The following PTPRD variants were observed in gnomAD, a reference collection of about 807,000 sequenced individuals.
The protein encoded by PTPRD is protein tyrosine phosphatase receptor type D.
PTPRD carries 34 observed loss-of-function variants against 214.5 expected under a neutral mutation model. That is an observed-to-expected ratio of 0.16 (90% CI 0.12 to 0.21). The LOEUF (loss-of-function observed/expected upper bound fraction) is 0.21, where lower values mean the gene tolerates loss of function less well. Among genes scored for constraint, PTPRD ranks in the 10% least tolerant of loss-of-function variants. The pLI is 1.00. For missense variants in PTPRD, 2,545 were observed against 2,398.7 expected (o/e 1.06, Z -1.27); for synonymous variants, 1,128 against 845.7 (o/e 1.33, Z -5.79).
chr9:9,318,691 C>T (rs7026513), intron 9 of PTPRD, among the ~76,000 whole-genome samples: 18,187 of 152,068 alleles, frequency 0.12, 1,338 homozygotes, highest in East Asian at 0.29. Flanking sequence ...CTAATTATAG[C>T]CTATGTTTTT....
At chr9:8,318,666 A>T (rs764212743) in intron 45 of PTPRD, among the ~76,000 whole-genome samples, 2 of 152,054 alleles carry the variant, frequency 1.3e-5, no homozygotes, top group Non-Finnish European at 2.9e-5. Flanking sequence ...ATCAAAAAAT[A>T]CCTGTAAATT....
chr9:10,202,842 G>T (rs1005583142), intron 3 of PTPRD, among the ~76,000 whole-genome samples: 1 of 151,682 alleles, frequency 6.6e-6, no homozygotes, highest in Non-Finnish European at 1.5e-5. Context: ...CCAATGTGAG[G>T]ATACAAGGAA....
intron 11 of PTPRD, among the ~76,000 whole-genome samples, chr9:8,753,520 G>C (rs1385881657): frequency 6.6e-6 from 1 of 152,160 alleles, no homozygotes; most frequent in African/African-American, 2.4e-5. Context: ...GTTTCTAACA[G>C]CATGTTGTAT....
At chr9:8,992,398 G>A (rs1302771166) in intron 11 of PTPRD, among the ~76,000 whole-genome samples, 3 of 152,146 alleles carry the variant, frequency 2.0e-5, no homozygotes, top group African/African-American at 7.2e-5. Context: ...CAGACTGGAG[G>A]CAAGGAATGG....
intron 2 of PTPRD, among the ~76,000 whole-genome samples, chr9:10,402,220 T>C (rs938552318): frequency 6.6e-6 from 1 of 151,768 alleles, no homozygotes; most frequent in African/African-American, 2.4e-5. Flanking sequence ...CTTATGAACA[T>C]GCCCATGCAA....
At chr9:9,682,902 C>T (rs1372292559) in intron 7 of PTPRD, among the ~76,000 whole-genome samples, 1 of 151,710 alleles carries the variant, frequency 6.6e-6, no homozygotes, top group Non-Finnish European at 1.5e-5. Flanking sequence ...TTCTGGGTCT[C>T]TAATAAGGTG....
At chr9:9,394,456 T>C (rs1346287536) in intron 9 of PTPRD, among the ~76,000 whole-genome samples, 3 of 152,182 alleles carry the variant, frequency 2.0e-5, no homozygotes, top group Non-Finnish European at 2.9e-5. Flanking sequence ...ACAGGACATG[T>C]ATTGTGTAGC....
intron 5 of PTPRD, among the ~76,000 whole-genome samples, chr9:9,838,907 G>A (rs1333655707): frequency 2.0e-5 from 3 of 151,954 alleles, no homozygotes; most frequent in Non-Finnish European, 2.9e-5. Context: ...TAGGTCTAAT[G>A]TTTAAGTCTT....
chr9:9,985,069 C>G (rs2095663908), intron 4 of PTPRD, among the ~76,000 whole-genome samples: 1 of 152,132 alleles, frequency 6.6e-6, no homozygotes, highest in East Asian at 1.9e-4. Flanking sequence ...GACATATACC[C>G]ACATGCAAAT....
intron 3 of PTPRD, among the ~76,000 whole-genome samples, chr9:10,168,848 C>G (rs142233617): frequency 2.6e-5 from 4 of 152,048 alleles, no homozygotes; most frequent in Non-Finnish European, 4.4e-5. Context: ...TACACACACA[C>G]GGCGCTAGCA....
At chr9:9,075,527 C>T (rs927441421) in intron 10 of PTPRD, among the ~76,000 whole-genome samples, 3 of 152,100 alleles carry the variant, frequency 2.0e-5, no homozygotes, top group African/African-American at 7.2e-5. Flanking sequence ...TCGTCATTTA[C>T]ATTAGATATA....
chr9:9,933,315 G>A (rs1235574175), intron 5 of PTPRD, among the ~76,000 whole-genome samples: 3 of 152,108 alleles, frequency 2.0e-5, no homozygotes, highest in African/African-American at 7.3e-5. Context: ...CCATCAGTGT[G>A]CTGTATTCAG....
At chr9:8,643,631 C>A (rs969898958) in intron 12 of PTPRD, among the ~76,000 whole-genome samples, 5 of 152,204 alleles carry the variant, frequency 3.3e-5, no homozygotes, top group Non-Finnish European at 7.3e-5. Flanking sequence ...CACCACTGCT[C>A]GCAGCTCTGA....
At chr9:10,195,295 A>G (rs2099393526) in intron 3 of PTPRD, among the ~76,000 whole-genome samples, 1 of 151,984 alleles carries the variant, frequency 6.6e-6, no homozygotes, top group South Asian at 2.1e-4. Context: ...GTAATGATTG[A>G]GCCTACATAT....
chr9:10,495,003 T>C (rs1348769237), intron 2 of PTPRD, among the ~76,000 whole-genome samples: 1 of 151,838 alleles, frequency 6.6e-6, no homozygotes, highest in Admixed American at 6.6e-5. Context: ...GATAATTTTA[T>C]GTCGTGCTCA....
intron 10 of PTPRD, among the ~76,000 whole-genome samples, chr9:9,145,364 A>G (rs1458101384): frequency 6.6e-6 from 1 of 152,140 alleles, no homozygotes; most frequent in Non-Finnish European, 1.5e-5. Context: ...ATTGCTTATA[A>G]TTATTCTCCT....
chr9:10,380,642 A>T (rs1586745368), intron 2 of PTPRD, among the ~76,000 whole-genome samples: 1 of 152,188 alleles, frequency 6.6e-6, no homozygotes, highest in East Asian at 1.9e-4. Context: ...TATAAAATTG[A>T]GGCATTAGTG....
intron 12 of PTPRD, among the ~76,000 whole-genome samples, chr9:8,683,889 G>A (rs1290138335): frequency 1.3e-5 from 2 of 152,340 alleles, no homozygotes; most frequent in Middle Eastern, 3.4e-3. Flanking sequence ...CTCCGAAGCT[G>A]CCATGCTAGA....
Position 9,894,546 on chromosome 9 carries a change from T to C in PTPRD, c.-368+43961A>G, listed in dbSNP as rs74685192. 3.3e-3 allele frequency among the ~76,000 whole-genome samples: 497 copies of C among 152,148 alleles called. 4 individuals are homozygous for C. The highest frequency in any genetic ancestry group is 0.011 in the African/African-American group (472 of 41,550). On this transcript the variant is annotated intron_variant, in intron 5 of 45. Coordinates refer to ENST00000381196, the MANE Select transcript of PTPRD (RefSeq NM_002839.4). ...TCATATTTGTCTAATCAACTTTCACTCATTTTTGCATTGCAGTTCAGCACC... is the reference window on the plus strand; with the variant it reads ...TCATATTTGTCTAATCAACTTTCACCCATTTTTGCATTGCAGTTCAGCACC...
Sources: allele counts gnomAD v4.1 joint callset (sites outside exome capture counted in the v4.1 genomes callset), GRCh38; gene constraint gnomAD v4.1.1; transcripts MANE v1.5; gene names NCBI Gene and HGNC (gene_info 2026-07-23, HGNC 2026-07-21).